Variants in APTX observed in about 807,000 individuals in gnomAD.
APTX encodes aprataxin.
In APTX, 33 loss-of-function variants were observed where a neutral mutation model predicts 42.3. The observed-to-expected ratio is 0.78, with a 90% CI of 0.59 to 1.04. The LOEUF (loss-of-function observed/expected upper bound fraction) is 1.04, where lower values mean the gene tolerates loss of function less well. APTX is among the 50% of genes least tolerant of loss of function. The probability of loss-of-function intolerance (pLI) is 0.00; values close to 1 mark genes in which losing one functional copy is unlikely to be tolerated. For missense variants in APTX, 421 were observed against 415.1 expected (o/e 1.01, Z -0.12); for synonymous variants, 130 against 146.7 (o/e 0.89, Z 0.82).
intron 1 of APTX, among the ~76,000 whole-genome samples, chr9:33,013,637 T>G (rs1337074089): frequency 1.3e-5 from 2 of 152,048 alleles, no homozygotes; most frequent in African/African-American, 4.8e-5. Flanking sequence ...AAACCCCATC[T>G]CTACTAAAAA....
chr9:33,006,651 TAGTC>T (rs1303980913), intron 1 of APTX, among the ~76,000 whole-genome samples: 2 of 152,020 alleles, frequency 1.3e-5, no homozygotes, highest in Non-Finnish European at 2.9e-5. Flanking sequence ...AAAGCTGTAT[TAGTC>T]AGAGTTCTCC....
chr9:33,018,118 AT>A (rs557047910), intron 1 of APTX, among the ~76,000 whole-genome samples: 68 of 144,486 alleles, frequency 4.7e-4, no homozygotes, highest in Non-Finnish European at 5.0e-4. Flanking sequence ...TTTTTATTTA[AT>A]TTTTTTTTTT....
rs187913923 is a variant in APTX at position 32,997,659 on chromosome 9, T to C, written c.-5+3908A>G. ...AGTACACAAAGAAGAAATAGCACAG[T>C]ACCCATGAAGATGCCATTCAGTGTT... is the stretch of plus-strand genomic sequence containing the variant. On this transcript the variant is annotated intron_variant, in intron 1 of 7. Transcript: ENST00000379817. 3.3e-5 allele frequency among the ~76,000 whole-genome samples: 5 copies of C among 152,260 alleles called. No homozygotes were observed. The East Asian group carries it at 9.6e-4, about 29-fold the overall frequency.
intron 1 of APTX, among the ~76,000 whole-genome samples, chr9:33,000,917 A>G (rs145377700): frequency 0.078 from 10,397 of 133,764 alleles, 499 homozygotes; most frequent in Non-Finnish European, 0.11. Context: ...GCGCGATCTC[A>G]GCTCACCACA....
At chr9:33,015,400 C>T (rs1037533247) in intron 1 of APTX, among the ~76,000 whole-genome samples, 1 of 152,176 alleles carries the variant, frequency 6.6e-6, no homozygotes, top group Non-Finnish European at 1.5e-5. Flanking sequence ...CACTCTATTG[C>T]CCAGGCTGGA....
chr9:32,998,731 G>A (rs951159205), intron 1 of APTX, among the ~76,000 whole-genome samples: 2 of 152,020 alleles, frequency 1.3e-5, no homozygotes, highest in Non-Finnish European at 2.9e-5. Flanking sequence ...GGGGTGAGGG[G>A]CTAGGGGAGG....
At chr9:33,001,743 A>C, upstream of APTX, 1 of 1,145,604 alleles carries the variant, frequency 8.7e-7, no homozygotes, top group Non-Finnish European at 1.3e-6. Context: ...GTCCGCCCCA[A>C]TTGGGTTCTC....
chr9:32,981,869 A>G (rs1402648461), intron 6 of APTX, among the ~76,000 whole-genome samples: 1 of 152,190 alleles, frequency 6.6e-6, no homozygotes, highest in Non-Finnish European at 1.5e-5. Flanking sequence ...GTCACCATAG[A>G]GTAAATACCA....
chr9:33,002,056 A>G (rs1041119965), upstream of APTX, among the ~76,000 whole-genome samples: 1 of 152,182 alleles, frequency 6.6e-6, no homozygotes, highest in African/African-American at 2.4e-5. Context: ...GAAAGAATGG[A>G]GCGGTAAGAG....
At chr9:33,005,000 G>A (rs1427990013), upstream of APTX, among the ~76,000 whole-genome samples, 1 of 151,936 alleles carries the variant, frequency 6.6e-6, no homozygotes, top group Non-Finnish European at 1.5e-5. Flanking sequence ...TCTCATTGTG[G>A]TTTTGCTTTG....
At chr9:33,001,450 G>A (rs190368009) in intron 1 of APTX, 117 bp downstream of exon 1, 14 of 1,571,804 alleles carry the variant, frequency 8.9e-6, no homozygotes, top group Admixed American at 1.8e-5. Context: ...TGAGAGCAGC[G>A]CATGAAAGCA....
chr9:32,994,936 G>A (rs1011905817), intron 1 of APTX, among the ~76,000 whole-genome samples: 1 of 152,092 alleles, frequency 6.6e-6, no homozygotes, highest in South Asian at 2.1e-4. Context: ...TCTATAAATG[G>A]AACAACAAAG....
Position 32,985,875 on chromosome 9 carries a change from A to C in APTX, c.543+96T>G, listed in dbSNP as rs968087477. On this transcript the variant is annotated intron_variant, in intron 5 of 7. Coordinates refer to ENST00000379817, the MANE Select transcript of APTX (RefSeq NM_001195248.2). The stretch of plus-strand genomic sequence containing the variant: ...CCAATAAAATGAATCTCATTCAGAA[A>C]GACTGATATCCTTTGATTTCATTTG... 10 of 1,149,356 alleles carry C rather than the reference A, an allele frequency of 8.7e-6. No individual in the cohort carries two copies. The South Asian group carries it at 1.0e-4, about 12-fold the overall frequency. The allele number at this position is 1,149,356 out of a possible 1,614,324, so 71.2% of individuals were successfully genotyped here.
intron 1 of APTX, among the ~76,000 whole-genome samples, chr9:32,994,864 C>T (rs111792728): frequency 5.2e-4 from 79 of 152,248 alleles, no homozygotes; most frequent in African/African-American, 1.8e-3. Context: ...AGCCAACGCT[C>T]ATTTACCATT....
rs537259433 is a variant in APTX, at chr9:32,977,407, C to T, written c.771-2846G>A. Among the ~76,000 whole-genome samples, 9 of 152,120 alleles carry T rather than the reference C, an allele frequency of 5.9e-5. No individual in the cohort carries two copies. The East Asian group carries it at 1.7e-3, about 29-fold the overall frequency. On this transcript the variant is annotated intron_variant, in intron 6 of 7. Coordinates refer to ENST00000379817, the MANE Select transcript of APTX (RefSeq NM_001195248.2). ...GCTGAGGCAAAAGGATACCTGGAGC[C>T]GAGGAGTTCAAGGCCGCAGTGAGCT... is the stretch of plus-strand genomic sequence containing the variant.
intron 1 of APTX, among the ~76,000 whole-genome samples, chr9:33,023,255 G>T (rs1482613616): frequency 6.6e-6 from 1 of 150,948 alleles, no homozygotes; most frequent in Non-Finnish European, 1.5e-5. Flanking sequence ...ACAGAGTCTT[G>T]CTCTGTCAAC....
chr9:32,973,778 C>G, intron 7 of APTX, 126 bp from the exon 8 acceptor site: 3 of 1,305,758 alleles, frequency 2.3e-6, no homozygotes, highest in Non-Finnish European at 3.3e-6. Flanking sequence ...TTCTACAGCT[C>G]CGTAAGCTTA....
At chr9:32,993,163 G>A (rs969976014) in intron 1 of APTX, among the ~76,000 whole-genome samples, 7 of 151,620 alleles carry the variant, frequency 4.6e-5, no homozygotes, top group African/African-American at 1.7e-4. Context: ...AGGATAATAA[G>A]AACTACCCTT....
intron 6 of APTX, among the ~76,000 whole-genome samples, chr9:32,981,589 TGG>T (rs1241396688): frequency 6.6e-6 from 1 of 152,166 alleles, no homozygotes; most frequent in Non-Finnish European, 1.5e-5. Flanking sequence ...CAGATAAGCC[TGG>T]AACATCTTGT....
Sources: gnomAD v4.1 joint callset for allele counts (sites outside exome capture counted in the v4.1 genomes callset) on GRCh38, gnomAD v4.1.1 for gene constraint, MANE v1.5 for transcripts, NCBI Gene and HGNC (gene_info 2026-07-23, HGNC 2026-07-21) for gene names.